CIT: variants seen among roughly 807,000 people sequenced by gnomAD.
The protein encoded by CIT is citron Rho-interacting kinase.
A neutral mutation model predicts 272.7 loss-of-function variants in CIT; 79 were observed. The observed-to-expected ratio is 0.29, with a 90% confidence interval of 0.24 to 0.35. The LOEUF is 0.35. Among genes scored for constraint, CIT ranks in the 10% least tolerant of loss-of-function variants. CIT has a pLI of 1.00. For missense variants in CIT, 1,909 were observed against 2,618.3 expected (o/e 0.73, Z 5.91); for synonymous variants, 948 against 995.6 (o/e 0.95, Z 0.90).
intron 24 of CIT, among the ~76,000 whole-genome samples, chr12:119,739,879 C>T (rs1008230407): frequency 6.6e-6 from 1 of 152,262 alleles, no homozygotes; most frequent in South Asian, 2.1e-4. Flanking sequence ...CCTCACCCAG[C>T]CCCCAAAGAG....
At chr12:119,867,842 G>A (rs1029267382) in intron 3 of CIT, among the ~76,000 whole-genome samples, 5 of 152,182 alleles carry the variant, frequency 3.3e-5, no homozygotes, top group Non-Finnish European at 5.9e-5. Context: ...GAAACAGGGT[G>A]AAGGCAAGGC....
chr12:119,825,650 C>T (rs1446538021), intron 7 of CIT, among the ~76,000 whole-genome samples: 2 of 152,012 alleles, frequency 1.3e-5, no homozygotes, highest in African/African-American at 4.8e-5. Flanking sequence ...GTTGGATATA[C>T]CGGGAATGGA....
intron 13 of CIT, 34 bp downstream of exon 13, chr12:119,782,484 A>G (rs1964391655): frequency 6.2e-7 from 1 of 1,608,878 alleles, no homozygotes; most frequent in African/African-American, 1.3e-5. Flanking sequence ...AAGCAAGCCG[A>G]GATGCTGCTG....
Position 119,718,710 on chromosome 12 carries a change from G to T in CIT, c.3992C>A (p.Ala1331Asp), listed in dbSNP as rs1440638273. ...LQKTRIELRSAREEAAHRKAT... is the reference protein window; with the variant it reads ...LQKTRIELRSDREEAAHRKAT... ...GAGTGAGCCCCTACCTTCCTCCCGG[G>T]CGGACCGGAGCTCGATGCGGGTCTT... The change falls in exon 31 of 48, where the codon GCC becomes GAC. Residue 1331 changes from alanine to aspartate, a missense_variant. Physicochemically the swap from Ala to Asp is moderately radical, Grantham distance 126 (BLOSUM62 -2). Coordinates refer to ENST00000392521, the MANE Select transcript of CIT (RefSeq NM_001206999.2). This position sits in a 1 kb window ranked among gnomAD's most constrained non-coding sequence, Gnocchi z 4.8. The T allele has an allele frequency of 6.2e-7, 1 of 1,613,290 alleles. No homozygotes were observed. The highest frequency in any genetic ancestry group is 8.5e-7 in the Non-Finnish European group (1 of 1,180,016).
At chr12:119,829,075 T>C (rs1254006011) in intron 7 of CIT, among the ~76,000 whole-genome samples, 1 of 152,038 alleles carries the variant, frequency 6.6e-6, no homozygotes, top group African/African-American at 2.4e-5. Flanking sequence ...GCAGGTTCTT[T>C]CACTAACAAA....
At chr12:119,757,647 C>A in intron 21 of CIT, 102 bp from the exon 22 acceptor site, 1 of 1,431,814 alleles carries the variant, frequency 7.0e-7, no homozygotes, top group Non-Finnish European at 9.6e-7. Context: ...CATGTCTCCT[C>A]ACTAAGTGGA....
intron 21 of CIT, among the ~76,000 whole-genome samples, chr12:119,758,283 T>C (rs1235062719): frequency 6.6e-6 from 1 of 152,126 alleles, no homozygotes; most frequent in Admixed American, 6.5e-5. Context: ...TCTTACTAAT[T>C]ACAGGATGCA....
intron 13 of CIT, among the ~76,000 whole-genome samples, chr12:119,778,540 A>G (rs1963996404): frequency 6.6e-6 from 1 of 152,210 alleles, no homozygotes; most frequent in African/African-American, 2.4e-5. Flanking sequence ...TATTTCTCCC[A>G]AGAAATAATC....
At chr12:119,703,532 TCTC>T (rs1385346091) in intron 41 of CIT, among the ~76,000 whole-genome samples, 1 of 151,294 alleles carries the variant, frequency 6.6e-6, no homozygotes, top group Non-Finnish European at 1.5e-5. Flanking sequence ...TTTATGCAAT[TCTC>T]CTGCCTCTGC....
Position 119,859,561 on chromosome 12 carries a change from A to G in CIT, c.239-1863T>C, listed in dbSNP as rs1444086917. 2.6e-5 allele frequency among the ~76,000 whole-genome samples: 4 copies of G among 152,240 alleles called. No homozygotes were observed. In the East Asian group the frequency reaches 5.8e-4, roughly 22 times the overall value. On this transcript the variant is annotated intron_variant, in intron 3 of 47. Transcript: ENST00000392521. ...GCTGGGCGCAGTAGCTCACGCCTGT[A>G]ATCCCAGCATTTTGGGAGGGCGAGG...
chr12:119,792,537 T>G (rs1178548775), intron 10 of CIT, among the ~76,000 whole-genome samples: 1 of 152,090 alleles, frequency 6.6e-6, no homozygotes, highest in Non-Finnish European at 1.5e-5. Context: ...TGGTGCGATC[T>G]CGGCTCACTG....
At chr12:119,789,863 G>A (rs897644272) in intron 10 of CIT, among the ~76,000 whole-genome samples, 49 of 151,084 alleles carry the variant, frequency 3.2e-4, no homozygotes, top group African/African-American at 1.1e-3. Flanking sequence ...ACGCCACCAC[G>A]CCCAGCAAAT....
chr12:119,767,912 C>CT lies in CIT; in HGVS notation c.2209-731dup, dbSNP rs746988178. On this transcript the variant is annotated intron_variant, in intron 18 of 47. Coordinates refer to ENST00000392521, the MANE Select transcript of CIT (RefSeq NM_001206999.2). ...AATTCTTTTATTGTTAAGTTTCCAG[C>CT]TTTTTTTTTTTTTTTTTAGACGGAT... Among the ~76,000 whole-genome samples, 533 of 136,242 alleles carry CT rather than the reference C, an allele frequency of 3.9e-3. 3 individuals carry two copies. The highest frequency in any genetic ancestry group is 8.3e-3 in the African/African-American group (310 of 37,258). 89.4% of individuals were successfully genotyped at this position (136,242 alleles called of 152,430 possible).
intron 46 of CIT, among the ~76,000 whole-genome samples, chr12:119,692,158 A>G (rs1955988564): frequency 6.6e-6 from 1 of 152,198 alleles, no homozygotes; most frequent in Non-Finnish European, 1.5e-5. Flanking sequence ...CTTCAAAAAT[A>G]TTTGAAAAAG....
chr12:119,714,326 G>A lies in CIT; in HGVS notation c.4177C>T (p.Arg1393Trp), dbSNP rs138439879. The A allele has an allele frequency of 1.5e-5, 25 of 1,613,822 alleles. No individual in the cohort carries two copies. The highest frequency in any genetic ancestry group is 6.7e-5 in the African/African-American group (5 of 74,988). Residue 1393 changes from arginine (R) to tryptophan (W), a missense_variant, in exon 33 of 48, where the codon CGG becomes TGG. Physicochemically the swap from Arg to Trp is moderately radical, Grantham distance 101 (BLOSUM62 -3). This residue lies in a region of CIT where 780 missense variants were observed against 1,067.2 expected (regional missense o/e 0.73). Coordinates refer to ENST00000392521, the MANE Select transcript of CIT (RefSeq NM_001206999.2). ...TGGTGCATGCGTTCCTTAAGACGCC[G>A]ACTAAATTCTGGAGGAAAATGTTTT... The part of the protein sequence containing the change: ...KESSTPEEFS[R>W]RLKERMHHNI...
At chr12:119,787,763 A>T (rs868609113) in intron 10 of CIT, among the ~76,000 whole-genome samples, 1,257 of 49,822 alleles carry the variant, frequency 0.025, 17 homozygotes, top group African/African-American at 0.059. Context: ...AATAAATTTA[A>T]AAAAAAAAGA....
At position 119,784,139 on chromosome 12, in the gene CIT, T is replaced by C; in HGVS notation, c.1402-88A>G. ...TCAAGTAGCCTCCGAAACCACCTGGTGGTCTGGGCTAAGGCTAATTCGCCA... is the reference window on the plus strand; with the variant it reads ...TCAAGTAGCCTCCGAAACCACCTGGCGGTCTGGGCTAAGGCTAATTCGCCA... On this transcript the variant is annotated intron_variant, in intron 11 of 47. Transcript: ENST00000392521. This position sits in a 1 kb window ranked among gnomAD's most constrained non-coding sequence, Gnocchi z 4.7. The C allele has an allele frequency of 1.2e-6, 2 of 1,612,502 alleles. No individual in the cohort carries two copies. Among genetic ancestry groups the C allele is most frequent in the Non-Finnish European group, 1.7e-6 (2 of 1,179,164 alleles).
rs770811126 is a variant in CIT at position 119,710,844 on chromosome 12, G to C, written c.4855-224C>G. ...GGGGCAGCTGTTAATTAGCATCTGAGTTATAATTTGGCTGGGATGCAGAAA... is the reference window on the plus strand; with the variant it reads ...GGGGCAGCTGTTAATTAGCATCTGACTTATAATTTGGCTGGGATGCAGAAA... On this transcript the variant is annotated intron_variant, in intron 37 of 47. Transcript: ENST00000392521. This position sits in a 1 kb window ranked among gnomAD's most constrained non-coding sequence, Gnocchi z 5.6. 12 of 630,830 alleles carry C rather than the reference G, an allele frequency of 1.9e-5. No homozygotes were observed. The highest frequency in any genetic ancestry group is 3.0e-5 in the Non-Finnish European group (11 of 371,364). The allele number at this position is 630,830 out of a possible 1,614,324, so 39.1% of individuals were successfully genotyped here.
intron 24 of CIT, among the ~76,000 whole-genome samples, chr12:119,738,991 GA>G (rs1201457456): frequency 3.3e-5 from 5 of 152,032 alleles, no homozygotes; most frequent in South Asian, 4.2e-4. Flanking sequence ...CTGAGAAGAA[GA>G]TGTGAACCTC....
Sources: gnomAD v4.1 joint callset for allele counts (sites outside exome capture counted in the v4.1 genomes callset) on GRCh38, gnomAD v4.1.1 for gene constraint, gnomAD v4.1.1 regional missense constraint, Gnocchi (gnomAD v3.1) non-coding constraint, MANE v1.5 for transcripts, NCBI Gene and HGNC (gene_info 2026-07-23, HGNC 2026-07-21) for gene names.